The following ZBTB20 variants were observed in gnomAD, a reference collection of about 807,000 sequenced individuals.
ZBTB20 encodes zinc finger and BTB domain-containing protein 20.
In ZBTB20, 9 loss-of-function variants were observed where a neutral mutation model predicts 56.9. The ratio of observed to expected loss-of-function variants is 0.16; its 90% CI spans 0.10 to 0.28. The LOEUF is 0.28. Ranked by LOEUF, ZBTB20 falls within the 10% of genes least tolerant of loss-of-function variation. The pLI is 1.00. For synonymous variants in ZBTB20, 417 were observed against 420.7 expected, an observed-to-expected ratio of 0.99 and a Z score of 0.11; for missense variants, 655 against 1,003.0, an observed-to-expected ratio of 0.65 and a Z score of 4.69.
chr3:114,396,978 G>A (rs2086387872), intron 7 of ZBTB20, among the ~76,000 whole-genome samples: 1 of 152,020 alleles, frequency 6.6e-6, no homozygotes, highest in Admixed American at 6.6e-5. Context: ...GAAGCCCAAG[G>A]AACCTATTGT....
chr3:114,512,212 A>C (rs182880471), intron 6 of ZBTB20, among the ~76,000 whole-genome samples: 54 of 152,288 alleles, frequency 3.5e-4, no homozygotes, highest in Middle Eastern at 3.4e-3. Context: ...AATAAAAATT[A>C]GTTGCTTTAT....
rs534090200 is a variant in ZBTB20, at chr3:114,336,257, G to A, written c.*2748C>T. Reference sequence around the variant, plus strand: ...TTTCATTTTATGGGTGGAATCACTTGTTTTCCAAAATATCAAAACAATTCC... The same window carrying A: ...TTTCATTTTATGGGTGGAATCACTTATTTTCCAAAATATCAAAACAATTCC... On this transcript the variant is annotated 3_prime_UTR_variant, in exon 12 of 12. Coordinates refer to ENST00000675478, the MANE Select transcript of ZBTB20 (RefSeq NM_001348800.3). 2.1e-4 allele frequency: 32 copies of A among 152,180 alleles called. No individual in the cohort carries two copies. The highest frequency in any genetic ancestry group is 6.0e-4 in the African/African-American group (25 of 41,516). The allele number at this position is 152,180 out of a possible 1,614,324, so 9.4% of individuals were successfully genotyped here.
intron 4 of ZBTB20, among the ~76,000 whole-genome samples, chr3:114,828,405 A>T (rs1293466042): frequency 6.6e-6 from 1 of 151,762 alleles, no homozygotes; most frequent in African/African-American, 2.4e-5. Flanking sequence ...TTAATGACTT[A>T]TTCTGTTTAT....
intron 4 of ZBTB20, among the ~76,000 whole-genome samples, chr3:114,880,486 A>T (rs749434277): frequency 9.2e-5 from 14 of 152,206 alleles, no homozygotes; most frequent in Non-Finnish European, 1.8e-4. Flanking sequence ...GACTGCTGGG[A>T]CAGACACAGC....
chr3:114,864,793 T>G (rs747327749), intron 4 of ZBTB20, among the ~76,000 whole-genome samples: 1 of 152,110 alleles, frequency 6.6e-6, no homozygotes, highest in Non-Finnish European at 1.5e-5. Flanking sequence ...GTGTTAAGAC[T>G]GAAATATATG....
chr3:114,426,693 C>T (rs1169709881), intron 7 of ZBTB20, among the ~76,000 whole-genome samples: 1 of 152,184 alleles, frequency 6.6e-6, no homozygotes, highest in African/African-American at 2.4e-5. Flanking sequence ...TTCCTTCATT[C>T]AGATGATAAC....
chr3:114,556,457 G>T (rs949992825), intron 6 of ZBTB20, among the ~76,000 whole-genome samples: 4 of 149,686 alleles, frequency 2.7e-5, no homozygotes, highest in Admixed American at 2.6e-4. Context: ...CCTTCAGGAT[G>T]TAGCATCCAT....
At chr3:114,349,818 A>G (rs2080495846) in intron 11 of ZBTB20, among the ~76,000 whole-genome samples, 1 of 152,222 alleles carries the variant, frequency 6.6e-6, no homozygotes, top group Non-Finnish European at 1.5e-5. Context: ...TATCACGATT[A>G]TTCTCATTTT....
At chr3:115,135,458 A>G (rs1432773007) in intron 1 of ZBTB20, among the ~76,000 whole-genome samples, 1 of 152,170 alleles carries the variant, frequency 6.6e-6, no homozygotes, top group Non-Finnish European at 1.5e-5. Context: ...TGCTCTTTAG[A>G]TTGAAATCGT....
chr3:115,013,275 G>T (rs1299001042), intron 2 of ZBTB20, among the ~76,000 whole-genome samples: 1 of 151,380 alleles, frequency 6.6e-6, no homozygotes, highest in East Asian at 1.9e-4. Context: ...ACAAAAAGTT[G>T]TTTTTTAAAA....
chr3:114,927,214 A>G (rs1379550039), intron 3 of ZBTB20, among the ~76,000 whole-genome samples: 1 of 152,192 alleles, frequency 6.6e-6, no homozygotes, highest in Non-Finnish European at 1.5e-5. Flanking sequence ...ATTTGTTTCT[A>G]ATCTACCAAT....
At chr3:114,786,455 G>T (rs2070499026) in intron 5 of ZBTB20, among the ~76,000 whole-genome samples, 1 of 151,924 alleles carries the variant, frequency 6.6e-6, no homozygotes, top group Admixed American at 6.6e-5. Context: ...TTTTTAAAAA[G>T]ATTCCACATA....
At chr3:114,675,064 A>AATATATATT (rs954397873) in intron 6 of ZBTB20, among the ~76,000 whole-genome samples, 1 of 148,068 alleles carries the variant, frequency 6.8e-6, no homozygotes, top group Non-Finnish European at 1.5e-5. Flanking sequence ...TATATATATG[A>AATATATATT]ATATATATTA....
intron 4 of ZBTB20, among the ~76,000 whole-genome samples, chr3:114,809,532 T>A (rs140787615): frequency 6.6e-6 from 1 of 152,142 alleles, no homozygotes; most frequent in African/African-American, 2.4e-5. Context: ...ATAACACTTA[T>A]GTTTATATTG....
At chr3:114,359,906 A>G (rs1360254633) in intron 10 of ZBTB20, among the ~76,000 whole-genome samples, 5 of 152,204 alleles carry the variant, frequency 3.3e-5, no homozygotes, top group Non-Finnish European at 5.9e-5. Flanking sequence ...CTACATAATC[A>G]TATACTTATT....
In ZBTB20 at chr3:115,110,749, G is replaced by A. The variant is rs528627804; in HGVS notation, c.-703+36470C>T. Among the ~76,000 whole-genome samples the A allele has an allele frequency of 5.9e-5, 9 of 152,222 alleles. No individual in the cohort carries two copies. In the South Asian group the frequency reaches 1.9e-3, roughly 32 times the overall value. ...CACGCCTGTAATCCCAGCACTTTGGGAGGCCAAGGCAGGTGGATCACCTAA... is the reference window on the plus strand; with the variant it reads ...CACGCCTGTAATCCCAGCACTTTGGAAGGCCAAGGCAGGTGGATCACCTAA... On this transcript the variant is annotated intron_variant, in intron 1 of 11. Transcript: ENST00000675478.
chr3:114,428,443 A>G (rs1465572108), intron 7 of ZBTB20, among the ~76,000 whole-genome samples: 17 of 152,208 alleles, frequency 1.1e-4, no homozygotes, highest in Admixed American at 1.1e-3. Context: ...TTTGCACCAA[A>G]GAGGAAGTGC....
At position 114,324,582 on chromosome 3, in the gene ZBTB20, A is replaced by C. The variant is rs2079002855; in HGVS notation, c.*14423T>G. The C allele has an allele frequency of 1.3e-5, 2 of 152,200 alleles. No homozygotes were observed. 9.4% of individuals were successfully genotyped at this position (152,200 alleles called of 1,614,324 possible). A position where few individuals can be genotyped will look rare whatever the true frequency, so the allele number is the denominator to read the frequency against. ...AGGCCCCTCTCAGAATGATCAATTG[A>C]AAATTGGTACAAATAGCTCAGTGAC... is the stretch of plus-strand genomic sequence containing the variant. On this transcript the variant is annotated 3_prime_UTR_variant, in exon 12 of 12. Transcript: ENST00000675478.
chr3:115,021,776 T>C (rs2080214985), intron 2 of ZBTB20, among the ~76,000 whole-genome samples: 1 of 150,840 alleles, frequency 6.6e-6, no homozygotes, highest in Non-Finnish European at 1.5e-5. Context: ...AGTGTAACAA[T>C]GGAAATGTTT....
Sources: allele counts gnomAD v4.1 joint callset (sites outside exome capture counted in the v4.1 genomes callset), GRCh38; gene constraint gnomAD v4.1.1; transcripts MANE v1.5; gene names NCBI Gene and HGNC (gene_info 2026-07-23, HGNC 2026-07-21).